MEGF8: variants seen among roughly 807,000 people sequenced by gnomAD.
MEGF8 encodes the protein multiple EGF like domains 8.
In MEGF8, 156 loss-of-function variants were observed where a neutral mutation model predicts 302.9. That is an observed-to-expected ratio of 0.52 (90% CI 0.45 to 0.59). The LOEUF is 0.59. MEGF8 is among the 20% of genes least tolerant of loss of function. MEGF8 has a pLI of 0.00. For missense variants in MEGF8, 3,345 were observed against 3,964.5 expected (o/e 0.84, Z 4.20); for synonymous variants, 1,621 against 1,660.5 (o/e 0.98, Z 0.58).
In MEGF8 at chr19:42,352,320, T is replaced by C; in HGVS notation, c.3214T>C (p.Cys1072Arg). The change falls in exon 19 of 42, where the codon TGT (cysteine) becomes CGT (arginine). Residue 1072 changes from cysteine to arginine, a missense_variant. Cys to Arg is a radical substitution (Grantham distance 180). Transcript: ENST00000251268. This position sits in a 1 kb window ranked among gnomAD's most constrained non-coding sequence, Gnocchi z 4.4. ...ALPARWAYAR[C>R]PDVDECRLGL... ...CCCTGCCCGCTGGGCATACGCCCGC[T>C]GTCCTGACGTGGATGAGTGTCGCCT... is the stretch of plus-strand genomic sequence containing the variant. The C allele has an allele frequency of 6.3e-7, 1 of 1,581,082 alleles. No homozygotes were observed. Among genetic ancestry groups the C allele is most frequent in the Non-Finnish European group, 8.6e-7 (1 of 1,164,296 alleles).
chr19:42,343,919 C>T (rs753055795), intron 9 of MEGF8, 35 bp from the exon 10 acceptor site: 28 of 1,603,588 alleles, frequency 1.7e-5, no homozygotes, highest in Non-Finnish European at 2.4e-5. Context: ...CCTCCGTCCC[C>T]TTGCCTCCCC....
rs767915504 is a variant in MEGF8, at chr19:42,353,472, A to G, written c.3558A>G (p.Thr1186=). Reference sequence around the variant, plus strand: ...CTGCTGGGGCCTCCACAGACTGGACATGGGGGGAGCACTGCGAACGATGCC... The same window carrying G: ...CTGCTGGGGCCTCCACAGACTGGACGTGGGGGGAGCACTGCGAACGATGCC... The part of the protein sequence containing the change: ...PGFCDECQDW[T]WGEHCERCRP... The change falls in exon 21 of 42, where the codon ACA becomes ACG. Residue 1186 remains threonine, a synonymous_variant. Transcript: ENST00000251268. The surrounding 1 kb of genome is among the most constrained non-coding windows in gnomAD (Gnocchi z 6.1). The G allele has an allele frequency of 1.9e-6, 3 of 1,610,544 alleles. No individual in the cohort carries two copies. Among genetic ancestry groups the G allele is most frequent in the Non-Finnish European group, 2.5e-6 (3 of 1,179,424 alleles).
At chr19:42,360,345 G>GTTTT (rs1199801761) in intron 31 of MEGF8, among the ~76,000 whole-genome samples, 2 of 127,510 alleles carry the variant, frequency 1.6e-5, no homozygotes, top group Non-Finnish European at 1.7e-5. Context: ...TGCTTCTGCT[G>GTTTT]TTTTTTTTTT....
intron 13 of MEGF8, 94 bp downstream of exon 13, chr19:42,348,566 G>T: frequency 8.2e-7 from 1 of 1,223,676 alleles, no homozygotes; most frequent in Non-Finnish European, 1.1e-6. Context: ...AAGGTTCTGG[G>T]GAAGGGCTGG....
At chr19:42,349,814 C>T (rs774100396) in intron 14 of MEGF8, 115 bp downstream of exon 14, 62 of 1,127,584 alleles carry the variant, frequency 5.5e-5, no homozygotes, top group Non-Finnish European at 7.8e-5. Flanking sequence ...GCCTCGGACT[C>T]CTTAACTCTT....
Position 42,336,436 on chromosome 19 carries a change from T to C in MEGF8, c.1244+90T>C. The C allele has an allele frequency of 7.5e-7, 1 of 1,326,276 alleles. No individual in the cohort carries two copies. Among genetic ancestry groups the C allele is most frequent in the Non-Finnish European group, 1.0e-6 (1 of 993,976 alleles). 82.2% of individuals were successfully genotyped at this position (1,326,276 alleles called of 1,614,324 possible). A position where few individuals can be genotyped will look rare whatever the true frequency, so the allele number is the denominator to read the frequency against. ...AGTCTTTAGAGGTCTTTGCCCACTG[T>C]CGGACTCCTGTGGTCTCTCAGTCAC... On this transcript the variant is annotated intron_variant, in intron 6 of 41. Coordinates refer to ENST00000251268, the MANE Select transcript of MEGF8 (RefSeq NM_001271938.2). The surrounding 1 kb of genome is among the most constrained non-coding windows in gnomAD (Gnocchi z 4.8).
Position 42,357,995 on chromosome 19 carries a change from C to G in MEGF8, c.5012-149C>G. 1.4e-6 allele frequency: 1 copy of G among 738,158 alleles called. No homozygotes were observed. The highest frequency in any genetic ancestry group is 2.2e-5 in the South Asian group (1 of 44,496). 45.7% of individuals were successfully genotyped at this position (738,158 alleles called of 1,614,324 possible). A position where few individuals can be genotyped will look rare whatever the true frequency, so the allele number is the denominator to read the frequency against. On this transcript the variant is annotated intron_variant, in intron 28 of 41. Transcript: ENST00000251268. The surrounding 1 kb of genome is among the most constrained non-coding windows in gnomAD (Gnocchi z 5.2). ...TCTCTAATGATTGTCCATTTGAACC[C>G]AACTGAGAGGGACGGGTGGAGAGGG... is the stretch of plus-strand genomic sequence containing the variant.
rs766427974 is a variant in MEGF8 at position 42,354,068 on chromosome 19, C to A, written c.4011+44C>A. On this transcript the variant is annotated intron_variant, in intron 22 of 41. Coordinates refer to ENST00000251268, the MANE Select transcript of MEGF8 (RefSeq NM_001271938.2). The surrounding 1 kb of genome is among the most constrained non-coding windows in gnomAD (Gnocchi z 4.3). Reference sequence around the variant, plus strand: ...AGGGTTCAGGCGCATGAGCCAGAACCGTGTCCCCTGACCCAGCCTGCATCC... The same window carrying A: ...AGGGTTCAGGCGCATGAGCCAGAACAGTGTCCCCTGACCCAGCCTGCATCC... 5 of 1,554,828 alleles carry A rather than the reference C, an allele frequency of 3.2e-6. No individual in the cohort carries two copies. The highest frequency in any genetic ancestry group is 4.3e-6 in the Non-Finnish European group (5 of 1,150,806).
At chr19:42,363,693 C>T (rs1393960372) in intron 35 of MEGF8, among the ~76,000 whole-genome samples, 1 of 152,244 alleles carries the variant, frequency 6.6e-6, no homozygotes, top group Non-Finnish European at 1.5e-5. Context: ...CTCTTTCTCT[C>T]TCTACTTATG....
Position 42,336,780 on chromosome 19 carries a change from G to T in MEGF8, c.1245-27G>T, listed in dbSNP as rs1465499094. On this transcript the variant is annotated intron_variant, in intron 6 of 41. Coordinates refer to ENST00000251268, the MANE Select transcript of MEGF8 (RefSeq NM_001271938.2). The surrounding 1 kb of genome is among the most constrained non-coding windows in gnomAD (Gnocchi z 4.8). The stretch of plus-strand genomic sequence containing the variant: ...GGGAGAGAGACGCTTCCTGCCCTGA[G>T]CCCCTGCCCTGCTTCTCCTTCGGTA... The T allele has an allele frequency of 6.4e-7, 1 of 1,555,962 alleles. No individual in the cohort carries two copies. Among genetic ancestry groups the T allele is most frequent in the Admixed American group, 2.1e-5 (1 of 47,988 alleles).
intron 40 of MEGF8, 37 bp downstream of exon 40, chr19:42,370,868 G>T (rs2039680361): frequency 9.1e-6 from 2 of 220,864 alleles, no homozygotes; most frequent in South Asian, 2.7e-5. Context: ...GGGGGGGGGG[G>T]GGGGAGGCCG....
At chr19:42,345,040 C>G (rs549769944) in intron 12 of MEGF8, among the ~76,000 whole-genome samples, 119 of 152,282 alleles carry the variant, frequency 7.8e-4, no homozygotes, top group Non-Finnish European at 1.4e-3. Flanking sequence ...GGCGCAGTCT[C>G]AGCTCACTGC....
intron 12 of MEGF8, among the ~76,000 whole-genome samples, chr19:42,347,315 CTT>C (rs1318739885): frequency 1.5e-4 from 21 of 135,788 alleles, no homozygotes; most frequent in Admixed American, 3.0e-4. Flanking sequence ...CACTCTCATT[CTT>C]TTTTTTTTTT....
intron 15 of MEGF8, among the ~76,000 whole-genome samples, chr19:42,350,920 G>A (rs2039359684): frequency 6.6e-6 from 1 of 152,128 alleles, no homozygotes; most frequent in South Asian, 2.1e-4. Context: ...GCCAATGACT[G>A]GAGTTGTGGG....
In MEGF8 at chr19:42,368,835, G is replaced by A. The variant is rs767806699; in HGVS notation, c.6482-8G>A. 2.7e-5 allele frequency: 43 copies of A among 1,612,600 alleles called. No homozygotes were observed. The highest frequency in any genetic ancestry group is 2.3e-4 in the Admixed American group (14 of 59,850). Reference sequence around the variant, plus strand: ...GGTCCAGGTAAAATGCTATATCCCCGGTGCTAGGGCTGACATGTGGGCGTC... The same window carrying A: ...GGTCCAGGTAAAATGCTATATCCCCAGTGCTAGGGCTGACATGTGGGCGTC... On this transcript the variant is annotated splice_region_variant and splice_polypyrimidine_tract_variant and intron_variant, in intron 36 of 41. Transcript: ENST00000251268. This position sits in a 1 kb window ranked among gnomAD's most constrained non-coding sequence, Gnocchi z 4.9.
chr19:42,344,060 C>T lies in MEGF8; in HGVS notation c.1775C>T (p.Thr592Ile). The T allele has an allele frequency of 3.1e-6, 5 of 1,613,430 alleles. No individual in the cohort carries two copies. The highest frequency in any genetic ancestry group is 4.2e-6 in the Non-Finnish European group (5 of 1,179,694). Residue 592 changes from threonine to isoleucine, a missense_variant, in exon 10 of 42, where the codon ACC (threonine) becomes ATC (isoleucine). By Grantham distance (89) the Thr-to-Ile change is moderately conservative. Transcript: ENST00000251268. This position sits in a 1 kb window ranked among gnomAD's most constrained non-coding sequence, Gnocchi z 4.5. ...GACQAAPPPG[T>I]PLGACPAASC... ...TGCCAAGCTGCACCCCCTCCTGGGA[C>T]CCCCTTGGGGGCTGTGAGTGACAGC...
chr19:42,348,415 G>A lies in MEGF8; in HGVS notation c.2241G>A (p.Arg747=), dbSNP rs1287741506. The A allele has an allele frequency of 6.5e-7, 1 of 1,536,254 alleles. No homozygotes were observed. Among genetic ancestry groups the A allele is most frequent in the Non-Finnish European group, 8.7e-7 (1 of 1,146,146 alleles). ...PGAEDVAVWT[R]AQRLHVLARM... is the part of the protein sequence containing the mutation. ...CTGAGGACGTGGCCGTGTGGACGCGGGCCCAGCGCCTACACGTCCTGGCCC... is the reference window on the plus strand; with the variant it reads ...CTGAGGACGTGGCCGTGTGGACGCGAGCCCAGCGCCTACACGTCCTGGCCC... The change falls in exon 13 of 42, where the codon CGG becomes CGA. Residue 747 remains arginine, a synonymous_variant. Coordinates refer to ENST00000251268, the MANE Select transcript of MEGF8 (RefSeq NM_001271938.2).
Position 42,357,340 on chromosome 19 carries a change from T to G in MEGF8, c.4831-64T>G. ...AGGACTGTGGGGGGCTGAGGCTCGCTTCTACCCACAAGGTGACCCCTGACC... is the reference window on the plus strand; with the variant it reads ...AGGACTGTGGGGGGCTGAGGCTCGCGTCTACCCACAAGGTGACCCCTGACC... On this transcript the variant is annotated intron_variant, in intron 27 of 41. Coordinates refer to ENST00000251268, the MANE Select transcript of MEGF8 (RefSeq NM_001271938.2). This position sits in a 1 kb window ranked among gnomAD's most constrained non-coding sequence, Gnocchi z 5.2. 1 of 1,559,884 alleles carries G rather than the reference T, an allele frequency of 6.4e-7. No individual in the cohort carries two copies. The highest frequency in any genetic ancestry group is 1.2e-5 in the South Asian group (1 of 86,588).
intron 1 of MEGF8, among the ~76,000 whole-genome samples, chr19:42,330,277 G>A (rs760061843): frequency 6.6e-6 from 1 of 152,190 alleles, no homozygotes; most frequent in Non-Finnish European, 1.5e-5. Context: ...CTTTTGAGCA[G>A]GAGGGAGTTT....
Sources: allele counts gnomAD v4.1 joint callset (sites outside exome capture counted in the v4.1 genomes callset), GRCh38; gene constraint gnomAD v4.1.1; non-coding constraint Gnocchi (gnomAD v3.1); transcripts MANE v1.5; gene names NCBI Gene and HGNC (gene_info 2026-07-23, HGNC 2026-07-21).